SAMD5: variants seen among roughly 807,000 people sequenced by gnomAD.
The protein encoded by SAMD5 is sterile alpha motif domain containing 5.
In SAMD5, 13 loss-of-function variants were observed where a neutral mutation model predicts 11.3. The ratio of observed to expected loss-of-function variants is 1.15; its 90% CI spans 0.75 to 1.83. SAMD5 has a LOEUF of 1.83. Ranked by LOEUF, SAMD5 falls within the 40% of genes most tolerant of loss-of-function variation. SAMD5 has a pLI of 0.00. For synonymous variants in SAMD5, 129 were observed against 111.3 expected, an observed-to-expected ratio of 1.16 and a Z score of -1.00; for missense variants, 255 against 239.1, an observed-to-expected ratio of 1.07 and a Z score of -0.44.
chr6:147,909,031 A>G, the SAMD5 span, among the ~76,000 whole-genome samples: 1 of 152,108 alleles, frequency 6.6e-6, no homozygotes, highest in East Asian at 1.9e-4. Flanking sequence ...CAACATAGAG[A>G]GACTATGTCT....
intron 1 of SAMD5, among the ~76,000 whole-genome samples, chr6:147,630,817 A>G (rs948088180): frequency 2.0e-5 from 3 of 152,142 alleles, no homozygotes; most frequent in Non-Finnish European, 4.4e-5. Context: ...CTTAATTTCA[A>G]TTCCTTTCCT....
chr6:147,856,361 A>T, the SAMD5 span, among the ~76,000 whole-genome samples: 3 of 152,184 alleles, frequency 2.0e-5, no homozygotes, highest in South Asian at 6.2e-4. Flanking sequence ...TATGTTCATT[A>T]TCTTAATTGT....
chr6:147,616,172 T>TG (rs1562334258), intron 1 of SAMD5, among the ~76,000 whole-genome samples: 8 of 116,986 alleles, frequency 6.8e-5, no homozygotes, highest in Admixed American at 1.6e-4. Flanking sequence ...ATTTCATATA[T>TG]ATTTATTCAT....
intron 1 of SAMD5, among the ~76,000 whole-genome samples, chr6:147,578,732 G>C (rs1045299443): frequency 4.0e-5 from 6 of 151,788 alleles, no homozygotes; most frequent in African/African-American, 1.5e-4. Context: ...GTTAAAAGTT[G>C]TTTGTGGGTA....
chr6:147,623,480 A>T (rs931977943), intron 1 of SAMD5, among the ~76,000 whole-genome samples: 4 of 152,214 alleles, frequency 2.6e-5, no homozygotes, highest in Admixed American at 6.5e-5. Context: ...TTGTAAGAGG[A>T]GTTTGCTCTG....
At chr6:147,900,750 A>G in the SAMD5 span, among the ~76,000 whole-genome samples, 4 of 152,182 alleles carry the variant, frequency 2.6e-5, no homozygotes, top group African/African-American at 9.7e-5. Flanking sequence ...AGAGTTAAGG[A>G]AGGAGAAGGC....
chr6:147,549,033 C>G (rs1344766728), intron 1 of SAMD5, among the ~76,000 whole-genome samples: 6 of 152,102 alleles, frequency 3.9e-5, no homozygotes, highest in Non-Finnish European at 8.8e-5. Context: ...GTCACAATGA[C>G]TGGCAGTGAT....
intron 1 of SAMD5, among the ~76,000 whole-genome samples, chr6:147,730,675 A>C (rs551648175): frequency 6.6e-6 from 1 of 152,288 alleles, no homozygotes; most frequent in Admixed American, 6.5e-5. Flanking sequence ...GCATATATAG[A>C]CAATAGACAA....
chr6:147,801,592 A>T, the SAMD5 span, among the ~76,000 whole-genome samples: 1 of 152,196 alleles, frequency 6.6e-6, no homozygotes, highest in African/African-American at 2.4e-5. Flanking sequence ...GGCATTCTGA[A>T]TGAAACAACT....
chr6:147,541,866 C>G (rs1459049373), intron 1 of SAMD5, among the ~76,000 whole-genome samples: 1 of 152,136 alleles, frequency 6.6e-6, no homozygotes, highest in African/African-American at 2.4e-5. Context: ...AAAGAGCCAA[C>G]CAAGATCCCC....
the SAMD5 span, among the ~76,000 whole-genome samples, chr6:147,839,361 A>G: frequency 6.6e-6 from 1 of 152,334 alleles, no homozygotes; most frequent in African/African-American, 2.4e-5. Context: ...TCCAAAATAA[A>G]TCTAATATAA....
intron 1 of SAMD5, among the ~76,000 whole-genome samples, chr6:147,642,633 A>C (rs1479371519): frequency 1.3e-5 from 2 of 152,144 alleles, no homozygotes; most frequent in African/African-American, 4.8e-5. Flanking sequence ...CAACCCTTTC[A>C]TTTTCCAGAT....
At chr6:147,826,355 A>G in the SAMD5 span, among the ~76,000 whole-genome samples, 1 of 152,260 alleles carries the variant, frequency 6.6e-6, no homozygotes, top group South Asian at 2.1e-4. Context: ...GTAACCCTCA[A>G]TGGCTAGCAT....
the SAMD5 span, among the ~76,000 whole-genome samples, chr6:147,834,163 C>T: frequency 4.6e-5 from 7 of 152,268 alleles, no homozygotes; most frequent in South Asian, 1.0e-3. Flanking sequence ...TTATAAACCA[C>T]AGAGCAGGCA....
the SAMD5 span, among the ~76,000 whole-genome samples, chr6:147,942,823 CT>C: frequency 0.13 from 16,799 of 128,646 alleles, 1,068 homozygotes; most frequent in Admixed American, 0.18. Context: ...CCCAATGCTT[CT>C]TTTTTTTTTT....
At chr6:147,918,688 C>A in the SAMD5 span, among the ~76,000 whole-genome samples, 2 of 99,420 alleles carry the variant, frequency 2.0e-5, no homozygotes, top group East Asian at 2.9e-4. Flanking sequence ...CACAAGCATT[C>A]TTTTTTTTTT....
intron 1 of SAMD5, among the ~76,000 whole-genome samples, chr6:147,679,493 G>T (rs562485504): frequency 1.3e-5 from 2 of 151,890 alleles, no homozygotes; most frequent in African/African-American, 4.8e-5. Context: ...TTTAACTTGG[G>T]TTTGTTTTCA....
At chr6:147,511,225 C>T (rs965434212) in intron 1 of SAMD5, among the ~76,000 whole-genome samples, 1 of 152,144 alleles carries the variant, frequency 6.6e-6, no homozygotes, top group African/African-American at 2.4e-5. Context: ...TGAAGTGACA[C>T]ATTTTAGTTC....
In SAMD5 at chr6:147,631,164, G is replaced by A. The variant is rs1761316064; in HGVS notation, c.163-106153G>A. 6.6e-5 allele frequency among the ~76,000 whole-genome samples: 10 copies of A among 152,316 alleles called. No individual in the cohort carries two copies. The South Asian group carries it at 2.1e-3, about 32-fold the overall frequency. On this transcript the variant is annotated intron_variant, in intron 1 of 1. Transcript: ENST00000566741. ...TTGTGGTAAGGGGTGATATTGTGGG[G>A]TTGTTAGAAGGAGAATTTGTCATAT...
Sources: allele counts gnomAD v4.1 joint callset (sites outside exome capture counted in the v4.1 genomes callset), GRCh38; gene constraint gnomAD v4.1.1; transcripts MANE v1.5; gene names NCBI Gene and HGNC (gene_info 2026-07-23, HGNC 2026-07-21).